The following PEX5L variants were observed in gnomAD, a reference collection of about 807,000 sequenced individuals.
The protein encoded by PEX5L is PEX5-related protein.
In PEX5L, 30 loss-of-function variants were observed where a neutral mutation model predicts 84.0. The ratio of observed to expected loss-of-function variants is 0.36; its 90% CI spans 0.27 to 0.48. PEX5L has a LOEUF of 0.48. Ranked by LOEUF, PEX5L falls within the 20% of genes least tolerant of loss-of-function variation. PEX5L has a pLI of 0.99. For synonymous variants in PEX5L, 270 were observed against 283.1 expected, an observed-to-expected ratio of 0.95 and a Z score of 0.46; for missense variants, 533 against 754.6, an observed-to-expected ratio of 0.71 and a Z score of 3.44.
At chr3:179,861,121 T>C (rs182969646) in intron 7 of PEX5L, among the ~76,000 whole-genome samples, 14 of 152,398 alleles carry the variant, frequency 9.2e-5, no homozygotes, top group Non-Finnish European at 1.3e-4. Context: ...CATTAATTTA[T>C]GTTTCCTCCT....
intron 7 of PEX5L, among the ~76,000 whole-genome samples, chr3:179,869,553 C>T (rs189849602): frequency 5.1e-4 from 78 of 152,268 alleles, no homozygotes; most frequent in Non-Finnish European, 8.4e-4. Flanking sequence ...GGCACTTGGA[C>T]GTGCCGGGTA....
intron 14 of PEX5L, among the ~76,000 whole-genome samples, chr3:179,804,522 T>C (rs1720424286): frequency 6.6e-6 from 1 of 152,194 alleles, no homozygotes. Context: ...GGTGTAACAT[T>C]TAGAGCTAAA....
chr3:179,854,083 T>G (rs1189504826), intron 8 of PEX5L, among the ~76,000 whole-genome samples: 1 of 143,062 alleles, frequency 7.0e-6, no homozygotes, highest in African/African-American at 2.6e-5. Flanking sequence ...AGACCAGCCT[T>G]GGCAATATGG....
At chr3:179,815,782 C>T in intron 10 of PEX5L, 79 bp downstream of exon 10, 1 of 1,490,038 alleles carries the variant, frequency 6.7e-7, no homozygotes, top group Non-Finnish European at 9.3e-7. Flanking sequence ...GAAAAGCTGA[C>T]CCAGCAGAGT....
At chr3:180,014,407 G>A (rs1789756306) in intron 1 of PEX5L, among the ~76,000 whole-genome samples, 1 of 151,940 alleles carries the variant, frequency 6.6e-6, no homozygotes, top group East Asian at 1.9e-4. Context: ...GGGAGGCGGA[G>A]CTTGCAGCGA....
intron 1 of PEX5L, among the ~76,000 whole-genome samples, chr3:180,007,600 C>T (rs2110451277): frequency 6.6e-6 from 1 of 152,304 alleles, no homozygotes; most frequent in Non-Finnish European, 1.5e-5. Context: ...CCATGAGGGC[C>T]CTGCCCCTGC....
At position 179,971,582 on chromosome 3, in the gene PEX5L, G is replaced by C. The variant is rs1180537764; in HGVS notation, c.93+12C>G. 6.2e-7 allele frequency: 1 copy of C among 1,605,474 alleles called. No homozygotes were observed. Among genetic ancestry groups the C allele is most frequent in the Non-Finnish European group, 8.5e-7 (1 of 1,176,154 alleles). ...GTAGAACAGTAGAAAATGTACGTAA[G>C]TATTCACTTACCTGCTTTTGATCAA... On this transcript the variant is annotated intron_variant, in intron 2 of 14. Transcript: ENST00000467460.
intron 1 of PEX5L, among the ~76,000 whole-genome samples, chr3:179,981,678 A>T (rs905749607): frequency 6.6e-6 from 1 of 152,362 alleles, no homozygotes; most frequent in East Asian, 1.9e-4. Context: ...ATTCAATGAA[A>T]CAAATAATGA....
chr3:179,930,793 C>G (rs1039034972), intron 2 of PEX5L, among the ~76,000 whole-genome samples: 1 of 152,180 alleles, frequency 6.6e-6, no homozygotes, highest in African/African-American at 2.4e-5. Flanking sequence ...AACCTTTCAT[C>G]ATTTTTATCT....
chr3:179,971,122 T>A (rs2110239615), intron 2 of PEX5L, among the ~76,000 whole-genome samples: 1 of 152,280 alleles, frequency 6.6e-6, no homozygotes, highest in East Asian at 1.9e-4. Flanking sequence ...ATCATCTTTA[T>A]ATATATTGCA....
chr3:179,891,409 C>G (rs371096782), intron 3 of PEX5L, among the ~76,000 whole-genome samples: 1 of 152,030 alleles, frequency 6.6e-6, no homozygotes, highest in Non-Finnish European at 1.5e-5. Context: ...GCGTGAAAGA[C>G]CAGATTACAG....
chr3:179,887,707 T>C lies in PEX5L; in HGVS notation c.276A>G (p.Glu92=), dbSNP rs149116191. 3.5e-5 allele frequency: 57 copies of C among 1,613,738 alleles called. No individual in the cohort carries two copies. In the Middle Eastern group the frequency reaches 6.6e-4, roughly 19 times the overall value. The change falls in exon 4 of 15, where the codon GAA becomes GAG. Residue 92 remains glutamate, a synonymous_variant. Transcript: ENST00000467460. ...IDDFLCETKS[E]AIARPVTSNT... ...TGGATGTTACTGGCCTTGCTATTGC[T>C]TCCGATTTGGTTTCACAGAGAAAGT...
intron 2 of PEX5L, among the ~76,000 whole-genome samples, chr3:179,964,332 T>C (rs898664663): frequency 2.8e-4 from 43 of 152,104 alleles, no homozygotes; most frequent in Non-Finnish European, 3.4e-4. Context: ...AAGGACATGA[T>C]CTTGTAAAAA....
chr3:180,013,988 C>A (rs1460265105), intron 1 of PEX5L, among the ~76,000 whole-genome samples: 1 of 152,130 alleles, frequency 6.6e-6, no homozygotes, highest in Admixed American at 6.5e-5. Context: ...TTGCAAACTG[C>A]AATAACTACA....
At position 179,809,655 on chromosome 3, in the gene PEX5L, G is replaced by T; in HGVS notation, c.1168C>A (p.Gln390Lys). ...ATCAAAGCTTTTAAGTTGTTGGGCT[G>T]TAATTCTAAGCACCTGAAAAAAAAA... ...IVALQRCLEL[Q>K]PNNLKALMAL... The change falls in exon 12 of 15, where the codon CAG becomes AAG. Residue 390 changes from glutamine to lysine, a missense_variant. This residue lies in a region of PEX5L where 32 missense variants were observed against 45.5 expected (regional missense o/e 0.70). Coordinates refer to ENST00000467460, the MANE Select transcript of PEX5L (RefSeq NM_016559.3). 6.3e-7 allele frequency: 1 copy of T among 1,586,204 alleles called. No homozygotes were observed.
At chr3:179,996,782 CT>C (rs1343553594) in intron 1 of PEX5L, among the ~76,000 whole-genome samples, 1 of 152,190 alleles carries the variant, frequency 6.6e-6, no homozygotes, top group Non-Finnish European at 1.5e-5. Context: ...CAAGTGGCAG[CT>C]TTCAACCAAC....
chr3:179,825,573 T>C (rs1730148248), intron 8 of PEX5L, among the ~76,000 whole-genome samples: 1 of 151,328 alleles, frequency 6.6e-6, no homozygotes, highest in East Asian at 2.0e-4. Flanking sequence ...ATCTAAACAG[T>C]ATAGGTCTCA....
rs1314755062 is a variant in PEX5L at position 179,797,870 on chromosome 3, AAAC to A, written c.*3955_*3957del. 5.9e-5 allele frequency: 9 copies of A among 152,276 alleles called. No homozygotes were observed. The highest frequency in any genetic ancestry group is 2.1e-4 in the South Asian group (1 of 4,824). 9.4% of individuals were successfully genotyped at this position (152,276 alleles called of 1,614,324 possible). A position where few individuals can be genotyped will look rare whatever the true frequency, so the allele number is the denominator to read the frequency against. ...TGTTCTAGAAGTATCTCAAGATATAAAACAACAACCACCACTGCTACAACAACT... is the reference window on the plus strand; with the variant it reads ...TGTTCTAGAAGTATCTCAAGATATAAAACAACCACCACTGCTACAACAACT... On this transcript the variant is annotated 3_prime_UTR_variant, in exon 15 of 15. Coordinates refer to ENST00000467460, the MANE Select transcript of PEX5L (RefSeq NM_016559.3).
chr3:179,835,565 T>C (rs1306463483), intron 8 of PEX5L, among the ~76,000 whole-genome samples: 1 of 152,196 alleles, frequency 6.6e-6, no homozygotes, highest in Non-Finnish European at 1.5e-5. Flanking sequence ...AAAGTATATT[T>C]AGAATCTGAA....
Sources: gnomAD v4.1 joint callset for allele counts (sites outside exome capture counted in the v4.1 genomes callset) on GRCh38, gnomAD v4.1.1 for gene constraint, gnomAD v4.1.1 regional missense constraint, MANE v1.5 for transcripts, NCBI Gene and HGNC (gene_info 2026-07-23, HGNC 2026-07-21) for gene names.